Variants in MTMR2 observed in about 807,000 individuals in gnomAD.
MTMR2 encodes myotubularin related protein 2.
Under a neutral mutation model 86.9 loss-of-function variants are expected in MTMR2, and 55 were observed. That is an observed-to-expected ratio of 0.63 (90% CI 0.51 to 0.79). The LOEUF is 0.79. Among genes scored for constraint, MTMR2 ranks in the 30% least tolerant of loss-of-function variants. The probability of loss-of-function intolerance (pLI) is 0.00; values close to 1 mark genes in which losing one functional copy is unlikely to be tolerated. For synonymous variants in MTMR2, 241 were observed against 266.8 expected, an observed-to-expected ratio of 0.90 and a Z score of 0.94; for missense variants, 659 against 772.3, an observed-to-expected ratio of 0.85 and a Z score of 1.74.
intron 7 of MTMR2, among the ~76,000 whole-genome samples, chr11:95,853,163 T>C (rs17804155): frequency 0.012 from 1,794 of 151,040 alleles, 42 homozygotes; most frequent in Admixed American, 0.051. Flanking sequence ...TTTCACATGC[T>C]GTACTAAAAA....
At chr11:95,873,516 G>A (rs562400855) in intron 2 of MTMR2, among the ~76,000 whole-genome samples, 116 of 150,072 alleles carry the variant, frequency 7.7e-4, no homozygotes, top group African/African-American at 2.4e-3. Context: ...TTGTTCTAGC[G>A]GTCTACCAAT....
At chr11:95,847,159 C>G (rs116777189) in intron 10 of MTMR2, among the ~76,000 whole-genome samples, 119 of 152,236 alleles carry the variant, frequency 7.8e-4, no homozygotes, top group African/African-American at 2.7e-3. Context: ...GTGGCTCATG[C>G]AACCACTCCA....
At chr11:95,907,587 T>C (rs1345384567) in intron 1 of MTMR2, among the ~76,000 whole-genome samples, 1 of 152,150 alleles carries the variant, frequency 6.6e-6, no homozygotes, top group African/African-American at 2.4e-5. Flanking sequence ...CAAATATTCC[T>C]GATGAACATA....
intron 1 of MTMR2, among the ~76,000 whole-genome samples, chr11:95,915,001 C>T (rs1383318782): frequency 2.0e-5 from 3 of 152,084 alleles, no homozygotes; most frequent in Non-Finnish European, 2.9e-5. Context: ...AAATGTTGTG[C>T]TATTTATATT....
At chr11:95,883,629 T>C (rs1416829724) in intron 2 of MTMR2, among the ~76,000 whole-genome samples, 1 of 152,116 alleles carries the variant, frequency 6.6e-6, no homozygotes, top group Non-Finnish European at 1.5e-5. Context: ...ACTTTTTCCA[T>C]AACAAACAAG....
At chr11:95,903,686 TC>T (rs1866155498) in intron 1 of MTMR2, among the ~76,000 whole-genome samples, 1 of 152,192 alleles carries the variant, frequency 6.6e-6, no homozygotes, top group African/African-American at 2.4e-5. Context: ...TGCTCTAACT[TC>T]CTGTTTCACT....
At chr11:95,857,874 T>C (rs573694622) in intron 6 of MTMR2, among the ~76,000 whole-genome samples, 1 of 152,300 alleles carries the variant, frequency 6.6e-6, no homozygotes, top group Admixed American at 6.5e-5. Flanking sequence ...AATACCAACA[T>C]ATCATTGTAT....
At chr11:95,888,404 A>C in intron 1 of MTMR2, 143 bp from the exon 2 acceptor site, 1 of 651,112 alleles carries the variant, frequency 1.5e-6, no homozygotes, top group East Asian at 2.8e-5. Context: ...TCTTATCTCT[A>C]AGTCTTAACA....
chr11:95,913,371 C>T (rs1866583180), intron 1 of MTMR2, among the ~76,000 whole-genome samples: 1 of 152,092 alleles, frequency 6.6e-6, no homozygotes, highest in Non-Finnish European at 1.5e-5. Context: ...ATTTATTGTG[C>T]TTTGGGGTAA....
At chr11:95,842,111 A>G (rs963230513) in intron 11 of MTMR2, among the ~76,000 whole-genome samples, 7 of 152,182 alleles carry the variant, frequency 4.6e-5, no homozygotes, top group Non-Finnish European at 5.9e-5. Context: ...AAATTTTCAG[A>G]AAGTCTTTTA....
At chr11:95,915,923 A>G (rs911267365) in intron 1 of MTMR2, among the ~76,000 whole-genome samples, 1 of 152,256 alleles carries the variant, frequency 6.6e-6, no homozygotes. Context: ...TATTAAATGT[A>G]CCACTTTCAT....
intron 1 of MTMR2, among the ~76,000 whole-genome samples, chr11:95,896,235 T>C (rs556441851): frequency 6.6e-6 from 1 of 152,244 alleles, no homozygotes; most frequent in Non-Finnish European, 1.5e-5. Flanking sequence ...CATAGCACTT[T>C]GTGCTTTTCA....
At chr11:95,908,242 C>A (rs1398700344) in intron 1 of MTMR2, among the ~76,000 whole-genome samples, 1 of 151,798 alleles carries the variant, frequency 6.6e-6, no homozygotes, top group African/African-American at 2.4e-5. Context: ...ATCCCATTCA[C>A]AATACCTATA....
chr11:95,837,083 G>C (rs1210207462), intron 13 of MTMR2, among the ~76,000 whole-genome samples: 1 of 151,924 alleles, frequency 6.6e-6, no homozygotes, highest in Non-Finnish European at 1.5e-5. Context: ...ACTTAGCTAT[G>C]CTATTTCTAA....
intron 11 of MTMR2, among the ~76,000 whole-genome samples, chr11:95,843,383 T>TA (rs1863633576): frequency 6.6e-6 from 1 of 152,140 alleles, no homozygotes; most frequent in Non-Finnish European, 1.5e-5. Context: ...CACACATGGG[T>TA]AAAAGATCTA....
At chr11:95,890,149 G>C (rs518919) in intron 1 of MTMR2, among the ~76,000 whole-genome samples, 43,927 of 151,994 alleles carry the variant, frequency 0.29, 7,565 homozygotes, top group Non-Finnish European at 0.39. Context: ...ACACAACATA[G>C]TATTTCCAAC....
chr11:95,917,341 T>C (rs116192403), intron 1 of MTMR2, among the ~76,000 whole-genome samples: 140 of 152,308 alleles, frequency 9.2e-4, no homozygotes, highest in African/African-American at 3.1e-3. Context: ...TTGAATACAA[T>C]AGCATTAACT....
At chr11:95,863,867 C>T (rs902428561) in intron 3 of MTMR2, among the ~76,000 whole-genome samples, 3 of 152,054 alleles carry the variant, frequency 2.0e-5, no homozygotes, top group African/African-American at 7.2e-5. Context: ...GTTCTGTACC[C>T]TCTATCATTC....
At chr11:95,867,041 AAACTAAC>A (rs1864641006) in intron 2 of MTMR2, among the ~76,000 whole-genome samples, 1 of 152,186 alleles carries the variant, frequency 6.6e-6, no homozygotes. Flanking sequence ...ATAAAAGTTC[AAACTAAC>A]AACTAATTGC....
Sources: gnomAD v4.1 joint callset for allele counts (sites outside exome capture counted in the v4.1 genomes callset) on GRCh38, gnomAD v4.1.1 for gene constraint, MANE v1.5 for transcripts, NCBI Gene and HGNC (gene_info 2026-07-23, HGNC 2026-07-21) for gene names.